The following CNTN5 variants were observed in gnomAD, a reference collection of about 807,000 sequenced individuals.
CNTN5 encodes the protein contactin-5.
CNTN5 carries 77 observed loss-of-function variants against 129.1 expected under a neutral mutation model. The ratio of observed to expected loss-of-function variants is 0.60; its 90% confidence interval spans 0.50 to 0.72. The LOEUF is 0.72. Among genes scored for constraint, CNTN5 ranks in the 30% least tolerant of loss-of-function variants. The pLI, the probability that CNTN5 is intolerant of heterozygous loss-of-function variation, is 0.00. For missense variants in CNTN5, 1,478 were observed against 1,328.8 expected, an observed-to-expected ratio of 1.11 and a Z score of -1.75; for synonymous variants, 509 against 465.6, an observed-to-expected ratio of 1.09 and a Z score of -1.20.
intron 2 of CNTN5, among the ~76,000 whole-genome samples, chr11:99,501,077 T>C (rs1460791820): frequency 2.0e-5 from 3 of 152,198 alleles, no homozygotes; most frequent in African/African-American, 7.2e-5. Context: ...TCTGTGTGTG[T>C]ATGTGTTCTA....
chr11:100,351,384 C>G (rs1177802751), intron 24 of CNTN5, among the ~76,000 whole-genome samples: 1 of 151,272 alleles, frequency 6.6e-6, no homozygotes, highest in African/African-American at 2.4e-5. Flanking sequence ...ATATGTCAGG[C>G]ATGGTCAAAA....
chr11:99,881,990 G>T lies in CNTN5; in HGVS notation c.578-34064G>T, dbSNP rs111628400. Among the ~76,000 whole-genome samples the T allele has an allele frequency of 1.7e-3, 256 of 152,276 alleles. 1 individual carries two copies. Among genetic ancestry groups the T allele is most frequent in the East Asian group, 6.0e-3 (31 of 5,174 alleles). On this transcript the variant is annotated intron_variant, in intron 6 of 24. Coordinates refer to ENST00000524871, the MANE Select transcript of CNTN5 (RefSeq NM_014361.4). ...CACTACTCTGCTGAGCCTGAATGGG[G>T]ACAACAGAAGCCTGACAGATAAGCT...
At chr11:100,220,010 GCTCATGCCTGTAAT>G (rs1565350950) in intron 15 of CNTN5, among the ~76,000 whole-genome samples, 1 of 152,120 alleles carries the variant, frequency 6.6e-6, no homozygotes, top group Non-Finnish European at 1.5e-5. Flanking sequence ...GGGCGTGGTG[GCTCATGCCTGTAAT>G]CTGAGCACTT....
intron 18 of CNTN5, among the ~76,000 whole-genome samples, chr11:100,271,579 C>T (rs1184161828): frequency 7.0e-6 from 1 of 143,722 alleles, no homozygotes; most frequent in Non-Finnish European, 1.5e-5. Context: ...TAGAATAAAT[C>T]GGTTCACCTT....
chr11:99,956,828 T>G lies in CNTN5; in HGVS notation c.696T>G (p.Phe232Leu). 1 of 1,613,966 alleles carries G rather than the reference T, an allele frequency of 6.2e-7. No individual in the cohort carries two copies. The highest frequency in any genetic ancestry group is 8.5e-7 in the Non-Finnish European group (1 of 1,179,834). The change falls in exon 8 of 25, where the codon TTT (phenylalanine) becomes TTG (leucine). Residue 232 changes from phenylalanine (F) to leucine (L), a missense_variant. Transcript: ENST00000524871. ...HSPEIIYSWVFNEFPSFVAED... is the reference protein window; with the variant it reads ...HSPEIIYSWVLNEFPSFVAED... ...CAGAGATCATCTATAGCTGGGTATT[T>G]AATGAGTTCCCTTCCTTTGTGGCGG...
chr11:99,533,892 C>G (rs1390095383), intron 2 of CNTN5, among the ~76,000 whole-genome samples: 2 of 152,234 alleles, frequency 1.3e-5, no homozygotes, highest in Admixed American at 1.3e-4. Context: ...ATTGCAGGGT[C>G]CATACTCATA....
At chr11:99,196,654 T>C (rs1858916677) in intron 1 of CNTN5, among the ~76,000 whole-genome samples, 1 of 151,966 alleles carries the variant, frequency 6.6e-6, no homozygotes, top group African/African-American at 2.4e-5. Context: ...TTTCCTGAAC[T>C]TTCCTTTGTG....
At chr11:99,321,500 T>C (rs1865568508) in intron 1 of CNTN5, among the ~76,000 whole-genome samples, 1 of 152,110 alleles carries the variant, frequency 6.6e-6, no homozygotes, top group African/African-American at 2.4e-5. Flanking sequence ...CAGTGTATCC[T>C]GTGATCATAT....
chr11:99,576,472 G>GT (rs1382048187), intron 3 of CNTN5, among the ~76,000 whole-genome samples: 1 of 152,084 alleles, frequency 6.6e-6, no homozygotes, highest in Non-Finnish European at 1.5e-5. Context: ...TTTCATTGAT[G>GT]TTTTTCTTTC....
chr11:99,677,608 A>G (rs574293203), intron 3 of CNTN5, among the ~76,000 whole-genome samples: 1 of 152,264 alleles, frequency 6.6e-6, no homozygotes, highest in South Asian at 2.1e-4. Flanking sequence ...GCTATTATTC[A>G]CTAGTTCCAC....
chr11:99,856,986 C>T (rs1398617924), intron 6 of CNTN5, among the ~76,000 whole-genome samples: 1 of 150,870 alleles, frequency 6.6e-6, no homozygotes, highest in Non-Finnish European at 1.5e-5. Flanking sequence ...CTCCCTGTTA[C>T]TCCCTCCCTC....
chr11:99,135,788 T>A (rs542953494), intron 1 of CNTN5, among the ~76,000 whole-genome samples: 1 of 152,296 alleles, frequency 6.6e-6, no homozygotes, highest in African/African-American at 2.4e-5. Flanking sequence ...TGCATATTTA[T>A]ATAAATTTAA....
intron 2 of CNTN5, among the ~76,000 whole-genome samples, chr11:99,395,040 C>A (rs754381037): frequency 6.6e-6 from 1 of 151,750 alleles, no homozygotes; most frequent in Non-Finnish European, 1.5e-5. Flanking sequence ...GATTTATATT[C>A]CTTTGGGTAT....
At chr11:100,191,905 C>CT (rs1948505321) in intron 14 of CNTN5, among the ~76,000 whole-genome samples, 1 of 151,866 alleles carries the variant, frequency 6.6e-6, no homozygotes, top group Non-Finnish European at 1.5e-5. Context: ...TAGGCAGTCC[C>CT]TTCAGATGTT....
intron 18 of CNTN5, among the ~76,000 whole-genome samples, chr11:100,273,701 C>T (rs553842350): frequency 3.3e-5 from 5 of 152,192 alleles, no homozygotes; most frequent in East Asian, 3.9e-4. Context: ...GCATTGCCTC[C>T]GCCACTGTGG....
intron 6 of CNTN5, among the ~76,000 whole-genome samples, chr11:99,904,963 T>A (rs1949458435): frequency 6.6e-6 from 1 of 151,602 alleles, no homozygotes; most frequent in South Asian, 2.1e-4. Context: ...TCTGTGCATA[T>A]CCTTCACCCA....
intron 3 of CNTN5, among the ~76,000 whole-genome samples, chr11:99,678,675 T>A (rs987888634): frequency 1.3e-5 from 2 of 151,870 alleles, no homozygotes; most frequent in African/African-American, 2.4e-5. Flanking sequence ...TGGGAGAGGA[T>A]AGTGAAAAGT....
intron 9 of CNTN5, among the ~76,000 whole-genome samples, chr11:100,007,677 G>A (rs3907023): frequency 0.37 from 56,795 of 151,894 alleles, 12,017 homozygotes; most frequent in African/African-American, 0.57. Flanking sequence ...GTTGTGGCTG[G>A]TTTGATCTAC....
chr11:99,233,096 C>G (rs375197954), intron 1 of CNTN5, among the ~76,000 whole-genome samples: 2 of 152,126 alleles, frequency 1.3e-5, no homozygotes, highest in African/African-American at 4.8e-5. Flanking sequence ...CTGTAGCGGG[C>G]CTTCAAGGCT....
Sources: gnomAD v4.1 joint callset for allele counts (sites outside exome capture counted in the v4.1 genomes callset) on GRCh38, gnomAD v4.1.1 for gene constraint, MANE v1.5 for transcripts, NCBI Gene and HGNC (gene_info 2026-07-23, HGNC 2026-07-21) for gene names.